The following FBN1 variants were observed in gnomAD, a reference collection of about 807,000 sequenced individuals.
FBN1 encodes fibrillin-1.
Under a neutral mutation model 365.1 loss-of-function variants are expected in FBN1, and 29 were observed. The ratio of observed to expected loss-of-function variants is 0.08; its 90% CI spans 0.06 to 0.11. The LOEUF is 0.11. Ranked by LOEUF, FBN1 falls within the 10% of genes least tolerant of loss-of-function variation. FBN1 has a pLI of 1.00. For missense variants in FBN1, 2,476 were observed against 3,703.2 expected (o/e 0.67, Z 8.60); for synonymous variants, 1,210 against 1,270.5 (o/e 0.95, Z 1.01).
At chr15:48,572,845 C>T (rs2044316485) in intron 6 of FBN1, among the ~76,000 whole-genome samples, 1 of 152,088 alleles carries the variant, frequency 6.6e-6, no homozygotes, top group Non-Finnish European at 1.5e-5. Context: ...TTTGTTAATA[C>T]CAGGTAGACA....
At position 48,544,032 on chromosome 15, in the gene FBN1, T is replaced by G. The variant is rs200984362; in HGVS notation, c.539-6224A>C. Among the ~76,000 whole-genome samples, 9 of 152,196 alleles carry G rather than the reference T, an allele frequency of 5.9e-5. No individual in the cohort carries two copies. The East Asian group carries it at 1.5e-3, about 26-fold the overall frequency. On this transcript the variant is annotated intron_variant, in intron 6 of 65. Transcript: ENST00000316623. ...TAGAGAGCTATTATGTGTATAAAAG[T>G]GGGAACAATTATTCAATATAAGTGG...
chr15:48,475,962 A>G (rs1484914136), intron 32 of FBN1, among the ~76,000 whole-genome samples: 2 of 152,372 alleles, frequency 1.3e-5, no homozygotes, highest in East Asian at 3.9e-4. Context: ...GACACATTGT[A>G]TAGGTGGATT....
intron 6 of FBN1, among the ~76,000 whole-genome samples, chr15:48,560,285 C>T (rs534367459): frequency 6.6e-6 from 1 of 152,270 alleles, no homozygotes; most frequent in East Asian, 1.9e-4. Context: ...AATAAGGACC[C>T]TGGTTGGTGA....
At chr15:48,512,988 A>G (rs2043773151) in intron 13 of FBN1, among the ~76,000 whole-genome samples, 1 of 152,172 alleles carries the variant, frequency 6.6e-6, no homozygotes, top group African/African-American at 2.4e-5. Flanking sequence ...ATGAGGGGAC[A>G]TTTATAGCAG....
intron 7 of FBN1, among the ~76,000 whole-genome samples, chr15:48,535,846 A>G (rs1041575442): frequency 6.6e-6 from 1 of 152,200 alleles, no homozygotes; most frequent in Non-Finnish European, 1.5e-5. Flanking sequence ...AGAATTTTCC[A>G]TTCTCTTGAT....
chr15:48,607,668 G>A (rs899228217), intron 4 of FBN1, among the ~76,000 whole-genome samples: 3 of 151,904 alleles, frequency 2.0e-5, no homozygotes, highest in Non-Finnish European at 4.4e-5. Flanking sequence ...CTCTAGAACT[G>A]TAAAAAAATA....
chr15:48,593,061 T>C (rs2044490630), intron 6 of FBN1, among the ~76,000 whole-genome samples: 2 of 152,222 alleles, frequency 1.3e-5, no homozygotes, highest in Admixed American at 1.3e-4. Flanking sequence ...GTAAGACTAA[T>C]TGCTTTATAA....
intron 2 of FBN1, among the ~76,000 whole-genome samples, chr15:48,626,234 G>A (rs1401587690): frequency 6.7e-6 from 1 of 149,562 alleles, no homozygotes; most frequent in Non-Finnish European, 1.5e-5. Flanking sequence ...TCCAGCCTGG[G>A]TGACAGAGCA....
chr15:48,455,777 T>A (rs1258337024), intron 44 of FBN1, among the ~76,000 whole-genome samples: 1 of 152,226 alleles, frequency 6.6e-6, no homozygotes, highest in Non-Finnish European at 1.5e-5. Context: ...TTAACAAGTA[T>A]GTGGTTAGGA....
intron 25 of FBN1, among the ~76,000 whole-genome samples, chr15:48,489,374 GA>G (rs1378817336): frequency 6.6e-6 from 1 of 151,936 alleles, no homozygotes; most frequent in Non-Finnish European, 1.5e-5. Context: ...ATAATTTAAA[GA>G]GCTTCTTGTA....
At chr15:48,531,508 C>CA (rs1254876016) in intron 8 of FBN1, among the ~76,000 whole-genome samples, 1 of 152,142 alleles carries the variant, frequency 6.6e-6, no homozygotes, top group Non-Finnish European at 1.5e-5. Context: ...AAAAGCCACT[C>CA]AAAGCAATGG....
intron 6 of FBN1, among the ~76,000 whole-genome samples, chr15:48,562,093 T>C (rs1192125743): frequency 6.6e-5 from 10 of 152,084 alleles, no homozygotes. Flanking sequence ...CTGGACTGGA[T>C]GTTAGAAGAA....
intron 9 of FBN1, among the ~76,000 whole-genome samples, chr15:48,522,977 C>A (rs1005716966): frequency 1.3e-5 from 2 of 152,150 alleles, no homozygotes; most frequent in Non-Finnish European, 2.9e-5. Flanking sequence ...GGAGTATAGA[C>A]AAGTATGCTC....
intron 59 of FBN1, 68 bp from the exon 60 acceptor site, chr15:48,425,559 G>C: frequency 6.2e-7 from 1 of 1,604,486 alleles, no homozygotes. Context: ...ATTTCCACAG[G>C]GTCTAACGAA....
intron 39 of FBN1, 23 bp downstream of exon 39, chr15:48,465,767 T>C (rs2043315632): frequency 6.2e-7 from 1 of 1,612,854 alleles, no homozygotes; most frequent in South Asian, 1.1e-5. Flanking sequence ...GTGTGTGCTT[T>C]AAGACAAAGG....
chr15:48,644,759 C>G lies in FBN1; in HGVS notation c.11G>C (p.Gly4Ala). 6.2e-7 allele frequency: 1 copy of G among 1,611,242 alleles called. No individual in the cohort carries two copies. Among genetic ancestry groups the G allele is most frequent in the Middle Eastern group, 1.7e-4 (1 of 6,010 alleles). MRRGRLLEIALGFT... is the reference protein window; with the variant it reads MRRARLLEIALGFT... ...TCCCAGGGCGATCTCCAGCAGACGC[C>G]CTCGACGCATGATGCCGAGCCGCCA... Residue 4 changes from glycine (G) to alanine (A), a missense_variant, in exon 2 of 66, where the codon GGG becomes GCG. This residue lies in a region of FBN1 where 76 missense variants were observed against 85.4 expected (regional missense o/e 0.89). Coordinates refer to ENST00000316623, the MANE Select transcript of FBN1 (RefSeq NM_000138.5).
intron 2 of FBN1, among the ~76,000 whole-genome samples, chr15:48,629,228 G>A (rs1214564013): frequency 3.3e-5 from 5 of 152,180 alleles, no homozygotes; most frequent in Non-Finnish European, 7.4e-5. Context: ...GACATATTTT[G>A]GATTTACACC....
chr15:48,546,370 C>A (rs2044093433), intron 6 of FBN1, among the ~76,000 whole-genome samples: 1 of 152,192 alleles, frequency 6.6e-6, no homozygotes, highest in Admixed American at 6.5e-5. Flanking sequence ...GAAAAGACTT[C>A]TTTGAGGAGG....
intron 2 of FBN1, among the ~76,000 whole-genome samples, chr15:48,617,548 C>A (rs1238340528): frequency 6.6e-6 from 1 of 152,140 alleles, no homozygotes; most frequent in Non-Finnish European, 1.5e-5. Context: ...TCCACTTCAC[C>A]ACTGTATGTT....
Sources: gnomAD v4.1 joint callset for allele counts (sites outside exome capture counted in the v4.1 genomes callset) on GRCh38, gnomAD v4.1.1 for gene constraint, gnomAD v4.1.1 regional missense constraint, MANE v1.5 for transcripts, NCBI Gene and HGNC (gene_info 2026-07-23, HGNC 2026-07-21) for gene names.